Variants in TIMP2 observed in about 807,000 individuals in gnomAD.
TIMP2 encodes the protein metalloproteinase inhibitor 2.
TIMP2 carries 5 observed loss-of-function variants against 24.3 expected under a neutral mutation model. The observed-to-expected ratio is 0.21, with a 90% CI of 0.11 to 0.43. TIMP2 has a LOEUF of 0.43. Among genes scored for constraint, TIMP2 ranks in the 20% least tolerant of loss-of-function variants. The pLI, the probability that TIMP2 is intolerant of heterozygous loss-of-function variation, is 1.00. For missense variants in TIMP2, 221 were observed against 297.5 expected (o/e 0.74, Z 1.89); for synonymous variants, 130 against 123.2 (o/e 1.06, Z -0.37).
intron 2 of TIMP2, among the ~76,000 whole-genome samples, chr17:78,872,491 T>A (rs796618329): frequency 6.6e-6 from 1 of 151,994 alleles, no homozygotes; most frequent in Non-Finnish European, 1.5e-5. Flanking sequence ...GCTGTTTTTT[T>A]CCCCCCGAAG....
intron 2 of TIMP2, 46 bp downstream of exon 2, chr17:78,873,773 C>T (rs748866101): frequency 1.3e-6 from 2 of 1,543,748 alleles, no homozygotes; most frequent in Admixed American, 1.7e-5. Context: ...CAACACCCCA[C>T]AGCTGTGCCC....
intron 1 of TIMP2, among the ~76,000 whole-genome samples, chr17:78,913,547 C>CA (rs984085503): frequency 1.3e-5 from 2 of 151,914 alleles, no homozygotes; most frequent in African/African-American, 4.8e-5. Flanking sequence ...CTCGTCTCGA[C>CA]AAAAAATGTA....
chr17:78,893,792 C>G (rs1384552568), intron 1 of TIMP2, among the ~76,000 whole-genome samples: 2 of 152,070 alleles, frequency 1.3e-5, no homozygotes, highest in Non-Finnish European at 2.9e-5. Context: ...AAGGACTCTT[C>G]CAGGTCTCTT....
rs759260945 is a variant in TIMP2 at position 78,891,668 on chromosome 17, C to T, written c.131-17749G>A. On this transcript the variant is annotated intron_variant, in intron 1 of 4. Transcript: ENST00000262768. The surrounding 1 kb of genome is among the most constrained non-coding windows in gnomAD (Gnocchi z 4.5). ...GCAAACTGCCCCCTTTCCCAGTTGC[C>T]TCCTCCCCGCCCGAGCTGTTCCTTT... 2.6e-6 allele frequency: 4 copies of T among 1,551,000 alleles called. No individual in the cohort carries two copies. Among genetic ancestry groups the T allele is most frequent in the East Asian group, 4.9e-5 (2 of 40,928 alleles).
rs947531394 is a variant in TIMP2 at position 78,853,876 on chromosome 17, A to C, written c.*1791T>G. 6 of 152,386 alleles carry C rather than the reference A, an allele frequency of 3.9e-5. No individual in the cohort carries two copies. Among genetic ancestry groups the C allele is most frequent in the African/African-American group, 1.4e-4 (6 of 41,434 alleles). The allele number at this position is 152,386 out of a possible 1,614,324, so 9.4% of individuals were successfully genotyped here. Reference sequence around the variant, plus strand: ...AGGGGTGGGGTGTTATATGGGTTGGAGGGGTCTGGTGGAGTTGTATATACT... The same window carrying C: ...AGGGGTGGGGTGTTATATGGGTTGGCGGGGTCTGGTGGAGTTGTATATACT... On this transcript the variant is annotated 3_prime_UTR_variant, in exon 5 of 5. Coordinates refer to ENST00000262768, the MANE Select transcript of TIMP2 (RefSeq NM_003255.5).
At chr17:78,888,531 C>T (rs938133245) in intron 1 of TIMP2, among the ~76,000 whole-genome samples, 5 of 152,190 alleles carry the variant, frequency 3.3e-5, no homozygotes, top group African/African-American at 1.2e-4. Flanking sequence ...GCTCCCTGTG[C>T]GGCCTCAGTC....
chr17:78,903,257 G>C (rs1018904664), intron 1 of TIMP2: 36 of 152,374 alleles, frequency 2.4e-4, no homozygotes, highest in African/African-American at 8.4e-4. Context: ...TCATGGCAGG[G>C]GTGAGGTCAG....
chr17:78,874,084 G>A (rs1178367475), intron 1 of TIMP2, 165 bp from the exon 2 acceptor site: 13 of 563,410 alleles, frequency 2.3e-5, no homozygotes, highest in South Asian at 4.4e-5. Context: ...CCGGCATGGC[G>A]TCTCCTCCTC....
chr17:78,925,144 T>A lies in TIMP2; in HGVS notation c.-56A>T. ...CGCCGCTGGGGGGTCCGGGCGCTGC[T>A]CGCGGCGGCGGGCTGGGGGCGCGGG... On this transcript the variant is annotated 5_prime_UTR_variant, in exon 1 of 5. Transcript: ENST00000262768. 2 of 687,292 alleles carry A rather than the reference T, an allele frequency of 2.9e-6. No homozygotes were observed. The highest frequency in any genetic ancestry group is 3.5e-6 in the Non-Finnish European group (2 of 564,982). 42.6% of individuals were successfully genotyped at this position (687,292 alleles called of 1,614,324 possible). A position where few individuals can be genotyped will look rare whatever the true frequency, so the allele number is the denominator to read the frequency against.
intron 1 of TIMP2, among the ~76,000 whole-genome samples, chr17:78,903,654 C>T (rs758066889): frequency 2.0e-5 from 3 of 152,144 alleles, no homozygotes; most frequent in African/African-American, 4.8e-5. Context: ...GAAAGAATCC[C>T]GTCAACCACC....
chr17:78,924,196 G>C lies in TIMP2; in HGVS notation c.130+763C>G, dbSNP rs773177695. On this transcript the variant is annotated intron_variant, in intron 1 of 4. Transcript: ENST00000262768. This position sits in a 1 kb window ranked among gnomAD's most constrained non-coding sequence, Gnocchi z 5.3. ...CCTGTCTTTTGGGGGCTAGGAGTCC[G>C]GAGGTCATGGGTATTTGCTGGGGAA... 2.6e-5 allele frequency among the ~76,000 whole-genome samples: 4 copies of C among 152,224 alleles called. No individual in the cohort carries two copies. The highest frequency in any genetic ancestry group is 4.4e-5 in the Non-Finnish European group (3 of 68,050).
intron 1 of TIMP2, among the ~76,000 whole-genome samples, chr17:78,923,215 G>A (rs752245724): frequency 2.0e-5 from 3 of 151,956 alleles, no homozygotes; most frequent in African/African-American, 2.4e-5. Context: ...AGAGTGCTGC[G>A]CTGAGCATGA....
intron 1 of TIMP2, among the ~76,000 whole-genome samples, chr17:78,911,628 G>A (rs12952970): frequency 4.0e-5 from 6 of 151,682 alleles, no homozygotes; most frequent in Non-Finnish European, 5.9e-5. Context: ...ATGGGGTTTC[G>A]CCATGTTGGC....
In TIMP2 at chr17:78,891,057, C is replaced by G. The variant is rs1375492079; in HGVS notation, c.131-17138G>C. The G allele has an allele frequency of 6.4e-7, 1 of 1,551,068 alleles. No homozygotes were observed. The highest frequency in any genetic ancestry group is 1.4e-5 in the African/African-American group (1 of 73,152). ...TCTTGAAGGTGGAGCTGAAGGGAGC[C>G]CTCTGCCAGCGTGCCCAGTTTGGGG... On this transcript the variant is annotated intron_variant, in intron 1 of 4. Coordinates refer to ENST00000262768, the MANE Select transcript of TIMP2 (RefSeq NM_003255.5). This position sits in a 1 kb window ranked among gnomAD's most constrained non-coding sequence, Gnocchi z 4.5.
chr17:78,909,610 CG>C (rs1412780532), intron 1 of TIMP2, among the ~76,000 whole-genome samples: 14 of 152,188 alleles, frequency 9.2e-5, no homozygotes, highest in Middle Eastern at 3.4e-3. Context: ...CGTGGGCAAA[CG>C]GATTATGTCA....
In TIMP2 at chr17:78,890,110, C is replaced by T. The variant is rs112094139; in HGVS notation, c.131-16191G>A. On this transcript the variant is annotated intron_variant, in intron 1 of 4. Transcript: ENST00000262768. ...TAGCCTGGGCAACAGAGCAAGACTC[C>T]GTCTCAATCAATCAATCAATCAATA... is the stretch of plus-strand genomic sequence containing the variant. 2.8e-3 allele frequency among the ~76,000 whole-genome samples: 419 copies of T among 151,044 alleles called. 1 individual carries two copies. The highest frequency in any genetic ancestry group is 7.6e-3 in the East Asian group (39 of 5,164).
At position 78,855,820 on chromosome 17, in the gene TIMP2, G is replaced by C; in HGVS notation, c.510C>G (p.Asp170Glu). 6.2e-7 allele frequency: 1 copy of C among 1,614,140 alleles called. No individual in the cohort carries two copies. Among genetic ancestry groups the C allele is most frequent in the Non-Finnish European group, 8.5e-7 (1 of 1,180,024 alleles). ...TGACCCAGTCCATCCAGAGGCACTC[G>C]TCCGGGGAGGAGATGTAGCACGGGA... ...PMIPCYISSP[D>E]ECLWMDWVTE... Residue 170 changes from aspartate to glutamate, a missense_variant, in exon 5 of 5, where the codon GAC becomes GAG. Asp to Glu is a conservative substitution (Grantham distance 45, BLOSUM62 2). Transcript: ENST00000262768. This position sits in a 1 kb window ranked among gnomAD's most constrained non-coding sequence, Gnocchi z 6.0.
At chr17:78,910,704 C>T (rs1599174992) in intron 1 of TIMP2, among the ~76,000 whole-genome samples, 2 of 152,160 alleles carry the variant, frequency 1.3e-5, no homozygotes, top group Admixed American at 6.5e-5. Context: ...CCATGTTTAA[C>T]TTTCTGTTCC....
intron 1 of TIMP2, among the ~76,000 whole-genome samples, chr17:78,876,177 C>T (rs1599151713): frequency 6.6e-6 from 1 of 152,140 alleles, no homozygotes; most frequent in South Asian, 2.1e-4. Flanking sequence ...TCATCCTTGG[C>T]TGCCCCCTGC....
Sources: allele counts gnomAD v4.1 joint callset (sites outside exome capture counted in the v4.1 genomes callset), GRCh38; gene constraint gnomAD v4.1.1; non-coding constraint Gnocchi (gnomAD v3.1); transcripts MANE v1.5; gene names NCBI Gene and HGNC (gene_info 2026-07-23, HGNC 2026-07-21).